The following USP28 variants were observed in gnomAD, a reference collection of about 807,000 sequenced individuals.
USP28 encodes ubiquitin carboxyl-terminal hydrolase 28.
In USP28, 113 loss-of-function variants were observed where a neutral mutation model predicts 145.0. That is an observed-to-expected ratio of 0.78 (90% CI 0.67 to 0.91). The LOEUF (loss-of-function observed/expected upper bound fraction) is 0.91. Among genes scored for constraint, USP28 ranks in the 40% least tolerant of loss-of-function variants. The pLI, the probability that USP28 is intolerant of heterozygous loss-of-function variation, is 0.00. For missense variants in USP28, 1,201 were observed against 1,289.6 expected, an observed-to-expected ratio of 0.93 and a Z score of 1.05; for synonymous variants, 447 against 450.9, an observed-to-expected ratio of 0.99 and a Z score of 0.11.
At chr11:113,809,212 G>A in exon 17 of USP28, 1 of 1,614,168 alleles carries the variant, frequency 6.2e-7, no homozygotes, top group South Asian at 1.1e-5. Flanking sequence ...CACAGATAGG[G>A]CTTCCACTTC....
At chr11:113,849,535 A>G (rs1463909182) in intron 3 of USP28, among the ~76,000 whole-genome samples, 2 of 152,128 alleles carry the variant, frequency 1.3e-5, no homozygotes, top group African/African-American at 2.4e-5. Flanking sequence ...AGCAATGGAA[A>G]CCTGGCCTAT....
chr11:113,823,335 T>C (rs1431194143), intron 12 of USP28, among the ~76,000 whole-genome samples: 4 of 152,232 alleles, frequency 2.6e-5, no homozygotes, highest in South Asian at 2.1e-4. Flanking sequence ...AAAAAGTCTA[T>C]AAAATCAGAA....
chr11:113,847,907 T>C (rs1946054308), intron 3 of USP28, among the ~76,000 whole-genome samples: 1 of 151,918 alleles, frequency 6.6e-6, no homozygotes, highest in South Asian at 2.1e-4. Flanking sequence ...AACATGACTG[T>C]AGCAAAACTG....
chr11:113,806,664 C>G, intron 18 of USP28, 80 bp from the exon 20 acceptor site: 1 of 1,044,642 alleles, frequency 9.6e-7, no homozygotes, highest in Admixed American at 2.7e-5. Context: ...GCAGGCTGAA[C>G]AGAGTGCTAA....
Position 113,799,380 on chromosome 11 carries a change from T to C in USP28, c.3094A>G (p.Arg1032Gly), listed in dbSNP as rs1025269337. 6.2e-7 allele frequency: 1 copy of C among 1,614,188 alleles called. No individual in the cohort carries two copies. The change falls in exon 25 of 25, where the codon AGA becomes GGA. Residue 1032 changes from arginine to glycine, a missense_variant. Arg to Gly is a moderately radical substitution (Grantham distance 125). Coordinates refer to ENST00000003302, the Ensembl canonical transcript of USP28. ...ATTTCTGCAGAAGGATCTAGAAGTC[T>C]GGGTAGAAACTCCCCTAGGCACAGC...
chr11:113,875,517 C>T, exon 1 of USP28: 1 of 1,157,606 alleles, frequency 8.6e-7, no homozygotes, highest in Non-Finnish European at 1.1e-6. Flanking sequence ...AGGCGCCCAG[C>T]CGCGGGTCAC....
Position 113,811,653 on chromosome 11 carries a change from A to G in USP28, c.1972+623T>C, listed in dbSNP as rs544031255. On this transcript the variant is annotated intron_variant, in intron 16 of 24. Transcript: ENST00000003302. Reference sequence around the variant, plus strand: ...CAGTGAGCTGAGATTGCGCCACTGCACTCCAGCCTGGGCGACAAAGCAAGA... The same window carrying G: ...CAGTGAGCTGAGATTGCGCCACTGCGCTCCAGCCTGGGCGACAAAGCAAGA... Among the ~76,000 whole-genome samples the G allele has an allele frequency of 6.1e-4, 93 of 152,088 alleles. 1 individual carries two copies. The highest frequency in any genetic ancestry group is 3.5e-3 in the Admixed American group (54 of 15,254).
intron 1 of USP28, among the ~76,000 whole-genome samples, chr11:113,871,853 G>C (rs999094787): frequency 2.0e-5 from 3 of 152,184 alleles, no homozygotes; most frequent in African/African-American, 7.2e-5. Flanking sequence ...GTAGTGGAAA[G>C]TCTGTGATCC....
intron 5 of USP28, among the ~76,000 whole-genome samples, chr11:113,837,900 C>T (rs1453885064): frequency 2.0e-5 from 3 of 152,158 alleles, no homozygotes. Flanking sequence ...GGTTCTCCCA[C>T]CATCTCCAAC....
At chr11:113,858,715 TTC>T (rs1947331027) in intron 1 of USP28, among the ~76,000 whole-genome samples, 1 of 152,220 alleles carries the variant, frequency 6.6e-6, no homozygotes, top group Non-Finnish European at 1.5e-5. Flanking sequence ...GTTCAAGCGA[TTC>T]TCCTGCCTCA....
chr11:113,864,301 C>T (rs992400046), intron 1 of USP28, among the ~76,000 whole-genome samples: 1 of 152,100 alleles, frequency 6.6e-6, no homozygotes, highest in Non-Finnish European at 1.5e-5. Flanking sequence ...GAAAAACATC[C>T]AGGTTCATGA....
exon 3 of USP28, chr11:113,852,511 T>C (rs762265078): frequency 6.2e-7 from 1 of 1,614,200 alleles, no homozygotes; most frequent in South Asian, 1.1e-5. Context: ...TTGCTAATAC[T>C]TCCTTGTTGG....
At chr11:113,806,817 T>A (rs566608846) in intron 18 of USP28, among the ~76,000 whole-genome samples, 4 of 152,280 alleles carry the variant, frequency 2.6e-5, no homozygotes, top group Non-Finnish European at 5.9e-5. Flanking sequence ...ACGCTCTATG[T>A]TCTAATTCAG....
At chr11:113,831,793 G>C in intron 8 of USP28, 127 bp downstream of exon 8, 1 of 768,998 alleles carries the variant, frequency 1.3e-6, no homozygotes, top group Non-Finnish European at 2.1e-6. Context: ...GACTACCTCA[G>C]TGGTTATCCC....
At chr11:113,868,147 T>C (rs1418729102) in intron 1 of USP28, among the ~76,000 whole-genome samples, 1 of 152,176 alleles carries the variant, frequency 6.6e-6, no homozygotes, top group Non-Finnish European at 1.5e-5. Flanking sequence ...GAAAATGAAG[T>C]ACACCAAAAG....
intron 5 of USP28, among the ~76,000 whole-genome samples, chr11:113,838,218 G>T (rs1051299018): frequency 6.6e-6 from 1 of 152,294 alleles, no homozygotes; most frequent in African/African-American, 2.4e-5. Context: ...TGGTGGGGGG[G>T]CGGTGGTTGT....
chr11:113,815,482 G>T, intron 13 of USP28, 100 bp from the exon 14 acceptor site: 1 of 1,077,350 alleles, frequency 9.3e-7, no homozygotes, highest in Non-Finnish European at 1.3e-6. Flanking sequence ...AAAAAGTACA[G>T]GTATTCAGTG....
At chr11:113,827,162 C>T in intron 11 of USP28, 71 bp downstream of exon 11, 1 of 1,531,150 alleles carries the variant, frequency 6.5e-7, no homozygotes. Context: ...CCTACGCACA[C>T]TATACTTAGT....
At chr11:113,798,756 T>C (rs1303166251) in exon 25 of USP28, 2 of 152,580 alleles carry the variant, frequency 1.3e-5, no homozygotes, top group Admixed American at 6.5e-5. Context: ...CAACCCATTT[T>C]GTTATCTCCT....
Sources: allele counts gnomAD v4.1 joint callset (sites outside exome capture counted in the v4.1 genomes callset), GRCh38; gene constraint gnomAD v4.1.1; transcripts MANE v1.5; gene names NCBI Gene and HGNC (gene_info 2026-07-23, HGNC 2026-07-21).